The following MECOM variants were observed in gnomAD, a reference collection of about 807,000 sequenced individuals.
MECOM encodes histone-lysine N-methyltransferase MECOM.
A neutral mutation model predicts 116.3 loss-of-function variants in MECOM; 13 were observed. The ratio of observed to expected loss-of-function variants is 0.11; its 90% CI spans 0.07 to 0.18. MECOM has a LOEUF of 0.18. Ranked by LOEUF, MECOM falls within the 10% of genes least tolerant of loss-of-function variation. The pLI, the probability that MECOM is intolerant of heterozygous loss-of-function variation, is 1.00. For missense variants in MECOM, 1,299 were observed against 1,509.0 expected (o/e 0.86, Z 2.31); for synonymous variants, 528 against 535.2 (o/e 0.99, Z 0.19).
intron 1 of MECOM, among the ~76,000 whole-genome samples, chr3:169,514,892 C>T (rs1756432584): frequency 6.6e-6 from 1 of 152,188 alleles, no homozygotes; most frequent in Non-Finnish European, 1.5e-5. Context: ...TACAATTCAA[C>T]TCAGAAAGTA....
chr3:169,213,104 G>A (rs1037844333), intron 2 of MECOM, among the ~76,000 whole-genome samples: 17 of 150,282 alleles, frequency 1.1e-4, no homozygotes, highest in African/African-American at 4.2e-4. Flanking sequence ...TTCACTATTT[G>A]AAATTTACCT....
chr3:169,250,896 T>C (rs1577470851), intron 2 of MECOM, among the ~76,000 whole-genome samples: 1 of 152,206 alleles, frequency 6.6e-6, no homozygotes, highest in South Asian at 2.1e-4. Context: ...ATTTTGAGAA[T>C]AGAGTAAATG....
At chr3:169,429,010 T>C (rs1159294155) in intron 1 of MECOM, among the ~76,000 whole-genome samples, 1 of 152,182 alleles carries the variant, frequency 6.6e-6, no homozygotes, top group Non-Finnish European at 1.5e-5. Context: ...ATGAATGTGG[T>C]ATAACCAAAG....
intron 2 of MECOM, among the ~76,000 whole-genome samples, chr3:169,264,057 T>C (rs1757966389): frequency 6.6e-6 from 1 of 152,194 alleles, no homozygotes; most frequent in Non-Finnish European, 1.5e-5. Flanking sequence ...TAGATTCAGA[T>C]GACAGGTATT....
chr3:169,130,775 G>C (rs550514231), intron 4 of MECOM, among the ~76,000 whole-genome samples: 4 of 150,028 alleles, frequency 2.7e-5, no homozygotes, highest in South Asian at 4.2e-4. Flanking sequence ...GACACAGAAA[G>C]AGGAAAAAGA....
At position 169,381,521 on chromosome 3, in the gene MECOM, T is replaced by A; in HGVS notation, c.41A>T (p.Asn14Ile). ...AGGGTAGTTGCCATATACACACTCA[T>A]TATCTGTGAATAAATAAGAACTTCA... Reference protein sequence around the residue: ...KGRARKLATNNECVYGNYPEI... With the variant: ...KGRARKLATNIECVYGNYPEI... The change falls in exon 2 of 17, where the codon AAT (asparagine) becomes ATT (isoleucine). Residue 14 changes from asparagine (N) to isoleucine (I), a missense_variant. Asn to Ile is a moderately radical substitution (Grantham distance 149). This residue lies in a region of MECOM where 374 missense variants were observed against 433.4 expected (regional missense o/e 0.86). Coordinates refer to ENST00000651503, the MANE Select transcript of MECOM (RefSeq NM_004991.4). 6.3e-7 allele frequency: 1 copy of A among 1,577,532 alleles called. No individual in the cohort carries two copies. Among genetic ancestry groups the A allele is most frequent in the Non-Finnish European group, 8.6e-7 (1 of 1,160,436 alleles).
At position 169,194,966 on chromosome 3, in the gene MECOM, C is replaced by T. The variant is rs567586261; in HGVS notation, c.376-51134G>A. 1.4e-4 allele frequency among the ~76,000 whole-genome samples: 21 copies of T among 152,116 alleles called. No individual in the cohort carries two copies. The South Asian group carries it at 2.7e-3, about 20-fold the overall frequency. ...GAGAGATGAAGGACTATGGTAGAGACGGGACTGTGGATCTGTGTCCCATCT... is the reference window on the plus strand; with the variant it reads ...GAGAGATGAAGGACTATGGTAGAGATGGGACTGTGGATCTGTGTCCCATCT... On this transcript the variant is annotated intron_variant, in intron 2 of 16. Coordinates refer to ENST00000651503, the MANE Select transcript of MECOM (RefSeq NM_004991.4).
intron 1 of MECOM, among the ~76,000 whole-genome samples, chr3:169,553,265 A>G (rs1366378325): frequency 1.3e-5 from 2 of 152,292 alleles, no homozygotes; most frequent in African/African-American, 4.8e-5. Flanking sequence ...AGCATAAAAA[A>G]GGGGGGTTCT....
chr3:169,218,851 A>G (rs1751746249), intron 2 of MECOM, among the ~76,000 whole-genome samples: 1 of 152,150 alleles, frequency 6.6e-6, no homozygotes. Context: ...ACCGTATCCA[A>G]TTTAAATTTG....
intron 2 of MECOM, among the ~76,000 whole-genome samples, chr3:169,328,959 C>T (rs1346384937): frequency 6.6e-6 from 1 of 152,166 alleles, no homozygotes; most frequent in African/African-American, 2.4e-5. Context: ...AGATCCTTTA[C>T]TGTTCAAAAT....
intron 2 of MECOM, among the ~76,000 whole-genome samples, chr3:169,338,166 A>T (rs906313179): frequency 1.3e-5 from 2 of 152,112 alleles, no homozygotes; most frequent in South Asian, 4.1e-4. Context: ...GCTCTTAAAC[A>T]AGCTGTTTCA....
In MECOM at chr3:169,221,312, A is replaced by C. The variant is rs79831691; in HGVS notation, c.376-77480T>G. 2.5e-3 allele frequency among the ~76,000 whole-genome samples: 378 copies of C among 152,352 alleles called. 4 individuals are homozygous for C. In the East Asian group the frequency reaches 0.027, roughly 11 times the overall value. The stretch of plus-strand genomic sequence containing the variant: ...CCTAATTTTATGAGGCTAACATTAG[A>C]TAACAGTCATTAATGGTTATTTTTA... On this transcript the variant is annotated intron_variant, in intron 2 of 16. Coordinates refer to ENST00000651503, the MANE Select transcript of MECOM (RefSeq NM_004991.4).
chr3:169,356,725 T>C (rs1354164547), intron 2 of MECOM, among the ~76,000 whole-genome samples: 2 of 151,932 alleles, frequency 1.3e-5, no homozygotes, highest in Non-Finnish European at 2.9e-5. Flanking sequence ...AGGCTTTTTG[T>C]TGTCTAATCC....
At chr3:169,608,217 A>AAG (rs1768824235) in intron 1 of MECOM, among the ~76,000 whole-genome samples, 1 of 152,200 alleles carries the variant, frequency 6.6e-6, no homozygotes, top group Non-Finnish European at 1.5e-5. Context: ...ACCAGTGGCC[A>AAG]AGACAGGTGT....
At chr3:169,127,162 T>C (rs1486177230) in intron 5 of MECOM, among the ~76,000 whole-genome samples, 2 of 152,106 alleles carry the variant, frequency 1.3e-5, no homozygotes, top group African/African-American at 4.8e-5. Flanking sequence ...TTTCAAAAAG[T>C]AGGTTCTAGT....
intron 1 of MECOM, among the ~76,000 whole-genome samples, chr3:169,659,172 G>A (rs1462167237): frequency 6.6e-6 from 1 of 151,902 alleles, no homozygotes. Flanking sequence ...GTCTGTCCCT[G>A]CAGGAAGCCG....
intron 2 of MECOM, among the ~76,000 whole-genome samples, chr3:169,239,811 GA>G (rs1560032673): frequency 6.6e-6 from 1 of 152,118 alleles, no homozygotes; most frequent in African/African-American, 2.4e-5. Flanking sequence ...AAGCAATATG[GA>G]AACTTTGAGG....
At chr3:169,276,304 C>T (rs1428478307) in intron 2 of MECOM, among the ~76,000 whole-genome samples, 1 of 152,114 alleles carries the variant, frequency 6.6e-6, no homozygotes. Context: ...GTAATCCCAG[C>T]ACTTTGGGAG....
At chr3:169,370,197 G>T (rs952017472) in intron 2 of MECOM, among the ~76,000 whole-genome samples, 3 of 151,922 alleles carry the variant, frequency 2.0e-5, no homozygotes, top group African/African-American at 7.2e-5. Flanking sequence ...GAACCGAATA[G>T]AAAGCCGAGA....
Sources: gnomAD v4.1 joint callset for allele counts (sites outside exome capture counted in the v4.1 genomes callset) on GRCh38, gnomAD v4.1.1 for gene constraint, gnomAD v4.1.1 regional missense constraint, MANE v1.5 for transcripts, NCBI Gene and HGNC (gene_info 2026-07-23, HGNC 2026-07-21) for gene names.